DLGAP2: variants seen among roughly 807,000 people sequenced by gnomAD.
The protein encoded by DLGAP2 is disks large-associated protein 2.
In DLGAP2, 26 loss-of-function variants were observed where a neutral mutation model predicts 100.3. That is an observed-to-expected ratio of 0.26 (90% CI 0.19 to 0.36). The LOEUF (loss-of-function observed/expected upper bound fraction) is 0.36. Among genes scored for constraint, DLGAP2 ranks in the 10% least tolerant of loss-of-function variants. DLGAP2 has a pLI of 1.00. For missense variants in DLGAP2, 1,858 were observed against 1,453.2 expected, an observed-to-expected ratio of 1.28 and a Z score of -4.53; for synonymous variants, 886 against 630.1, an observed-to-expected ratio of 1.41 and a Z score of -6.08.
chr8:1,521,758 G>C (rs1219662696), intron 4 of DLGAP2, among the ~76,000 whole-genome samples: 1 of 84,054 alleles, frequency 1.2e-5, no homozygotes, highest in Non-Finnish European at 2.4e-5. Flanking sequence ...TCTCTGGTTT[G>C]CACACTTGTT....
intron 2 of DLGAP2, among the ~76,000 whole-genome samples, chr8:1,031,115 T>C (rs1400377700): frequency 1.3e-5 from 2 of 152,240 alleles, no homozygotes; most frequent in African/African-American, 4.8e-5. Flanking sequence ...GGTGCTGGTA[T>C]TGCGTCTTAC....
intron 2 of DLGAP2, among the ~76,000 whole-genome samples, chr8:974,696 C>G (rs1800118858): frequency 6.6e-6 from 1 of 151,978 alleles, no homozygotes; most frequent in African/African-American, 2.4e-5. Flanking sequence ...ATATTTCAAA[C>G]TAAGTAAAAA....
At chr8:1,410,369 C>T (rs189900641) in intron 3 of DLGAP2, among the ~76,000 whole-genome samples, 6 of 152,332 alleles carry the variant, frequency 3.9e-5, no homozygotes, top group Admixed American at 1.3e-4. Context: ...GAGCTCCCAG[C>T]AGAGCAGACG....
intron 5 of DLGAP2, among the ~76,000 whole-genome samples, chr8:1,557,135 C>T (rs1801992678): frequency 6.6e-6 from 1 of 152,172 alleles, no homozygotes; most frequent in Admixed American, 6.5e-5. Flanking sequence ...GAAGCACCCC[C>T]ATTTAGTGAC....
chr8:1,565,566 A>G lies in DLGAP2; in HGVS notation c.1231-117A>G, dbSNP rs73671226. On this transcript the variant is annotated intron_variant, in intron 5 of 14. Coordinates refer to ENST00000637795, the MANE Select transcript of DLGAP2 (RefSeq NM_001346810.2). ...TTATACATCTGACTTTAACTGATAA[A>G]TGACTGTAAAGAGGTGTATCTTTAT... 2.9e-3 allele frequency: 2,156 copies of G among 753,516 alleles called. 37 individuals carry two copies. The African/African-American group carries it at 0.034, about 12-fold the overall frequency. 46.7% of individuals were successfully genotyped at this position (753,516 alleles called of 1,614,324 possible). A position where few individuals can be genotyped will look rare whatever the true frequency, so the allele number is the denominator to read the frequency against.
intron 8 of DLGAP2, among the ~76,000 whole-genome samples, chr8:1,660,065 C>A (rs34670700): frequency 6.6e-6 from 1 of 152,112 alleles, no homozygotes; most frequent in Admixed American, 6.5e-5. Context: ...TCAGCATCTG[C>A]TTGTCTGTAA....
intron 2 of DLGAP2, among the ~76,000 whole-genome samples, chr8:1,061,970 A>G (rs1215301805): frequency 6.6e-6 from 1 of 152,124 alleles, no homozygotes; most frequent in Non-Finnish European, 1.5e-5. Context: ...CTACTAGAGC[A>G]AATGATATCA....
intron 2 of DLGAP2, among the ~76,000 whole-genome samples, chr8:997,159 C>T (rs1800804965): frequency 6.6e-6 from 1 of 152,310 alleles, no homozygotes; most frequent in Admixed American, 6.5e-5. Flanking sequence ...TAAACTATCT[C>T]ATGATCCTCA....
chr8:1,636,458 A>T (rs1038071412), intron 8 of DLGAP2, among the ~76,000 whole-genome samples: 4 of 152,226 alleles, frequency 2.6e-5, no homozygotes, highest in African/African-American at 9.6e-5. Flanking sequence ...GAGAAAAATT[A>T]TCTCTATATT....
At chr8:955,637 C>T (rs922229058) in intron 2 of DLGAP2, among the ~76,000 whole-genome samples, 1 of 152,072 alleles carries the variant, frequency 6.6e-6, no homozygotes. Flanking sequence ...CTCCGTTTTT[C>T]TTTTTTTCCC....
intron 2 of DLGAP2, among the ~76,000 whole-genome samples, chr8:1,039,694 G>T (rs539515937): frequency 0.033 from 2,030 of 60,976 alleles, 480 homozygotes; most frequent in Non-Finnish European, 0.053. Context: ...TCAGCTCGGT[G>T]TGCGTGGTCA....
At chr8:1,317,596 G>C (rs534621049) in intron 3 of DLGAP2, among the ~76,000 whole-genome samples, 48 of 112,964 alleles carry the variant, frequency 4.2e-4, no homozygotes, top group South Asian at 1.3e-3. Flanking sequence ...AAAAATACAG[G>C]CTGTGCGAGT....
chr8:914,588 C>T (rs1031821908), intron 2 of DLGAP2, among the ~76,000 whole-genome samples: 1 of 152,214 alleles, frequency 6.6e-6, no homozygotes, highest in South Asian at 2.1e-4. Context: ...GAAGCAGGGT[C>T]AGCCCCCATC....
At chr8:1,605,922 C>T (rs1796781385) in intron 6 of DLGAP2, among the ~76,000 whole-genome samples, 1 of 152,242 alleles carries the variant, frequency 6.6e-6, no homozygotes, top group Non-Finnish European at 1.5e-5. Context: ...TCAGCTCGAG[C>T]TCGTGCTGTA....
At chr8:1,083,664 G>A (rs1003874973) in intron 2 of DLGAP2, among the ~76,000 whole-genome samples, 1 of 152,196 alleles carries the variant, frequency 6.6e-6, no homozygotes, top group African/African-American at 2.4e-5. Flanking sequence ...GGGCAATTAG[G>A]TGGCATTTAT....
At chr8:1,532,077 A>G (rs1801005701) in intron 4 of DLGAP2, among the ~76,000 whole-genome samples, 1 of 152,318 alleles carries the variant, frequency 6.6e-6, no homozygotes, top group Non-Finnish European at 1.5e-5. Context: ...TGAGTTTCTG[A>G]TAAGCCCTTT....
chr8:1,211,165 T>A (rs10110887), intron 2 of DLGAP2, among the ~76,000 whole-genome samples: 25,323 of 152,252 alleles, frequency 0.17, 2,276 homozygotes, highest in Middle Eastern at 0.33. Flanking sequence ...GTGAACAGGC[T>A]GCGTTCAGCA....
At chr8:1,222,820 C>A (rs908835743) in intron 2 of DLGAP2, among the ~76,000 whole-genome samples, 1 of 152,042 alleles carries the variant, frequency 6.6e-6, no homozygotes, top group Non-Finnish European at 1.5e-5. Flanking sequence ...GTGGGTGCAT[C>A]CAGGCGGGGA....
Position 1,701,439 on chromosome 8 carries a change from C to T in DLGAP2, c.*33C>T. 1 of 1,546,576 alleles carries T rather than the reference C, an allele frequency of 6.5e-7. No individual in the cohort carries two copies. The highest frequency in any genetic ancestry group is 8.7e-7 in the Non-Finnish European group (1 of 1,146,696). ...GGCCGGCGCCTTCCCCTCGTCGCTT[C>T]CGCTTTCCCGGACGCTTGTGCAGCG... On this transcript the variant is annotated 3_prime_UTR_variant, in exon 15 of 15. Transcript: ENST00000637795.
Sources: gnomAD v4.1 joint callset for allele counts (sites outside exome capture counted in the v4.1 genomes callset) on GRCh38, gnomAD v4.1.1 for gene constraint, MANE v1.5 for transcripts, NCBI Gene and HGNC (gene_info 2026-07-23, HGNC 2026-07-21) for gene names.